The following DIAPH3 variants were observed in gnomAD, a reference collection of about 807,000 sequenced individuals.
DIAPH3 encodes the protein protein diaphanous homolog 3.
DIAPH3 carries 117 observed loss-of-function variants against 144.3 expected under a neutral mutation model. The observed-to-expected ratio is 0.81, with a 90% CI of 0.70 to 0.95. The LOEUF is 0.95. Among genes scored for constraint, DIAPH3 ranks in the 40% least tolerant of loss-of-function variants. The probability of loss-of-function intolerance (pLI) is 0.00; values close to 1 mark genes in which losing one functional copy is unlikely to be tolerated. For synonymous variants in DIAPH3, 519 were observed against 488.9 expected (o/e 1.06, Z -0.81); for missense variants, 1,421 against 1,412.7 (o/e 1.01, Z -0.09).
At chr13:59,890,074 A>T (rs2045694724) in intron 20 of DIAPH3, among the ~76,000 whole-genome samples, 1 of 152,128 alleles carries the variant, frequency 6.6e-6, no homozygotes, top group South Asian at 2.1e-4. Context: ...CTGAACCTCT[A>T]GTATCTCTGT....
chr13:59,668,183 ATGTACATAT>A (rs939873996), intron 27 of DIAPH3, among the ~76,000 whole-genome samples: 2 of 152,218 alleles, frequency 1.3e-5, no homozygotes, highest in Admixed American at 1.3e-4. Flanking sequence ...GTAGCTTATA[ATGTACATAT>A]TGTGTTTGCC....
chr13:60,016,172 A>G, intron 5 of DIAPH3, 27 bp from the exon 6 acceptor site: 2 of 1,603,744 alleles, frequency 1.2e-6, no homozygotes, highest in Non-Finnish European at 1.7e-6. Context: ...AGACAGTTAC[A>G]CATTGTCAGT....
At chr13:59,859,643 T>A (rs192068455) in intron 22 of DIAPH3, among the ~76,000 whole-genome samples, 3 of 152,174 alleles carry the variant, frequency 2.0e-5, no homozygotes, top group Non-Finnish European at 4.4e-5. Context: ...ATCAAACTGA[T>A]TAATGTCCAT....
chr13:59,902,403 C>A (rs185090479), intron 20 of DIAPH3, among the ~76,000 whole-genome samples: 1 of 152,242 alleles, frequency 6.6e-6, no homozygotes. Context: ...GATCATAAGT[C>A]TCCTGAGGCT....
chr13:59,930,786 A>G (rs1222631975), intron 17 of DIAPH3, among the ~76,000 whole-genome samples: 1 of 152,230 alleles, frequency 6.6e-6, no homozygotes, highest in Non-Finnish European at 1.5e-5. Flanking sequence ...AATGGCAAAA[A>G]TTACAATAGA....
At chr13:60,062,642 A>C (rs1594552507) in intron 4 of DIAPH3, among the ~76,000 whole-genome samples, 1 of 152,302 alleles carries the variant, frequency 6.6e-6, no homozygotes, top group East Asian at 1.9e-4. Context: ...ACAAAAATAC[A>C]GGCATACCTC....
chr13:59,747,088 A>G (rs1203581800), intron 27 of DIAPH3, among the ~76,000 whole-genome samples: 1 of 152,224 alleles, frequency 6.6e-6, no homozygotes, highest in Non-Finnish European at 1.5e-5. Flanking sequence ...TAACATCACT[A>G]AGCTGCAAAG....
intron 2 of DIAPH3, among the ~76,000 whole-genome samples, chr13:60,114,663 A>G (rs976603717): frequency 1.3e-5 from 2 of 151,846 alleles, no homozygotes; most frequent in Non-Finnish European, 2.9e-5. Flanking sequence ...ACACACACAC[A>G]CACACACACA....
intron 4 of DIAPH3, among the ~76,000 whole-genome samples, chr13:60,051,147 A>C (rs957401630): frequency 2.6e-5 from 4 of 152,160 alleles, no homozygotes; most frequent in Admixed American, 6.5e-5. Context: ...GACAACTCTT[A>C]GGAGATTTTC....
At chr13:59,669,608 A>G (rs1301614263) in intron 27 of DIAPH3, among the ~76,000 whole-genome samples, 1 of 152,022 alleles carries the variant, frequency 6.6e-6, no homozygotes, top group Non-Finnish European at 1.5e-5. Flanking sequence ...TTGCTTGTCT[A>G]TTCAAGGACA....
At chr13:59,875,864 C>T (rs1477446821) in intron 21 of DIAPH3, among the ~76,000 whole-genome samples, 1 of 152,098 alleles carries the variant, frequency 6.6e-6, no homozygotes, top group Non-Finnish European at 1.5e-5. Context: ...TATAGTTACT[C>T]ATTGCCATCC....
At chr13:59,743,486 G>A (rs548131271) in intron 27 of DIAPH3, among the ~76,000 whole-genome samples, 4 of 152,180 alleles carry the variant, frequency 2.6e-5, no homozygotes, top group African/African-American at 7.2e-5. Context: ...TGTTGGGGGT[G>A]GATGACAACA....
At chr13:60,009,230 CTTCTT>C (rs1474116580) in intron 8 of DIAPH3, among the ~76,000 whole-genome samples, 9 of 152,270 alleles carry the variant, frequency 5.9e-5, no homozygotes, top group Admixed American at 3.9e-4. Context: ...TATACTTCCT[CTTCTT>C]TTAAGTAATA....
At chr13:59,904,808 A>T (rs762620258) in intron 20 of DIAPH3, among the ~76,000 whole-genome samples, 1 of 152,180 alleles carries the variant, frequency 6.6e-6, no homozygotes, top group Non-Finnish European at 1.5e-5. Context: ...TTACAAGAGT[A>T]GCGCTATAGA....
intron 9 of DIAPH3, among the ~76,000 whole-genome samples, chr13:59,997,641 T>C (rs1390591031): frequency 6.6e-6 from 1 of 152,044 alleles, no homozygotes; most frequent in Non-Finnish European, 1.5e-5. Flanking sequence ...AAATTCAAGG[T>C]TCACTAACAG....
intron 21 of DIAPH3, among the ~76,000 whole-genome samples, chr13:59,876,573 T>C (rs2044643888): frequency 6.6e-6 from 1 of 152,218 alleles, no homozygotes; most frequent in African/African-American, 2.4e-5. Context: ...CACTACTTTT[T>C]GTCTTATGAC....
At chr13:59,836,754 T>C (rs899290099) in intron 23 of DIAPH3, among the ~76,000 whole-genome samples, 1 of 152,014 alleles carries the variant, frequency 6.6e-6, no homozygotes, top group Non-Finnish European at 1.5e-5. Flanking sequence ...AAAATACACA[T>C]ATTCTTCCAG....
At chr13:60,041,699 A>G (rs927799931) in intron 5 of DIAPH3, among the ~76,000 whole-genome samples, 1 of 152,222 alleles carries the variant, frequency 6.6e-6, no homozygotes, top group Non-Finnish European at 1.5e-5. Context: ...GTATAGATAC[A>G]TGACTACATA....
At chr13:60,022,946 A>G (rs1330520393) in intron 5 of DIAPH3, among the ~76,000 whole-genome samples, 1 of 152,124 alleles carries the variant, frequency 6.6e-6, no homozygotes, top group Non-Finnish European at 1.5e-5. Flanking sequence ...GGATTTTTGT[A>G]TCTATACTCA....
Sources: allele counts gnomAD v4.1 joint callset (sites outside exome capture counted in the v4.1 genomes callset), GRCh38; gene constraint gnomAD v4.1.1; transcripts MANE v1.5; gene names NCBI Gene and HGNC (gene_info 2026-07-23, HGNC 2026-07-21).